UTP20: variants seen among roughly 807,000 people sequenced by gnomAD.
UTP20 encodes the protein small subunit processome component 20 homolog.
UTP20 carries 164 observed loss-of-function variants against 329.5 expected under a neutral mutation model. The ratio of observed to expected loss-of-function variants is 0.50; its 90% CI spans 0.44 to 0.57. The LOEUF is 0.57. Ranked by LOEUF, UTP20 falls within the 20% of genes least tolerant of loss-of-function variation. UTP20 has a pLI of 0.00. For synonymous variants in UTP20, 1,151 were observed against 1,159.3 expected, an observed-to-expected ratio of 0.99 and a Z score of 0.14; for missense variants, 3,055 against 3,284.2, an observed-to-expected ratio of 0.93 and a Z score of 1.71.
chr12:101,353,184 A>T, intron 40 of UTP20, 55 bp downstream of exon 40: 1 of 1,234,796 alleles, frequency 8.1e-7, no homozygotes, highest in Non-Finnish European at 1.2e-6. Flanking sequence ...TGGATAGTGT[A>T]TGGTAATTAA....
In UTP20 at chr12:101,373,638, G is replaced by T; in HGVS notation, c.7002G>T (p.Thr2334=). Residue 2334 remains threonine, a synonymous_variant, in exon 54 of 62, where the codon ACG becomes ACT. Coordinates refer to ENST00000261637, the MANE Select transcript of UTP20 (RefSeq NM_014503.3). The part of the protein sequence containing the change: ...GMFFIPLCLM[T]INDDSATCKK... ...TCTTTATCCCTCTTTGTCTAATGAC[G>T]ATCAATGATGACTCTGCCACGTGCA... The T allele has an allele frequency of 2.5e-6, 4 of 1,613,096 alleles. No homozygotes were observed. Among genetic ancestry groups the T allele is most frequent in the South Asian group, 2.2e-5 (2 of 90,720 alleles).
At chr12:101,321,275 C>G (rs1388363846) in intron 24 of UTP20, among the ~76,000 whole-genome samples, 1 of 152,072 alleles carries the variant, frequency 6.6e-6, no homozygotes, top group Non-Finnish European at 1.5e-5. Context: ...CTTTTTTAAA[C>G]AGCTGAGTTA....
chr12:101,358,453 C>A (rs1254536303), intron 43 of UTP20, among the ~76,000 whole-genome samples: 1 of 152,212 alleles, frequency 6.6e-6, no homozygotes, highest in Non-Finnish European at 1.5e-5. Context: ...TAGATATTTA[C>A]TATTTCTGCT....
intron 11 of UTP20, among the ~76,000 whole-genome samples, chr12:101,294,330 A>G (rs1474664952): frequency 2.0e-5 from 3 of 152,132 alleles, no homozygotes; most frequent in Admixed American, 1.3e-4. Context: ...CTTTTAAATC[A>G]TCTGAATATA....
In UTP20 at chr12:101,285,761, A is replaced by G. The variant is rs959303458; in HGVS notation, c.206A>G (p.Lys69Arg). 3 of 1,613,530 alleles carry G rather than the reference A, an allele frequency of 1.9e-6. No homozygotes were observed. Among genetic ancestry groups the G allele is most frequent in the African/African-American group, 2.7e-5 (2 of 74,908 alleles). Residue 69 changes from lysine to arginine, a missense_variant, in exon 4 of 62, where the codon AAA becomes AGA. Lys to Arg is a conservative substitution (Grantham distance 26, BLOSUM62 2). Transcript: ENST00000261637. ...TTCCCCCACTCAGGAAAATTTTACA[A>G]AGAAGTTATTGACAAATGCCAATCA... ...NLTEHFGKFYKEVIDKCQSFN... is the reference protein window; with the variant it reads ...NLTEHFGKFYREVIDKCQSFN...
In UTP20 at chr12:101,319,592, G is replaced by T. The variant is rs370328018; in HGVS notation, c.2786G>T (p.Arg929Leu). 1.2e-6 allele frequency: 2 copies of T among 1,607,680 alleles called. No individual in the cohort carries two copies. Among genetic ancestry groups the T allele is most frequent in the Admixed American group, 1.7e-5 (1 of 58,398 alleles). ...GTTTTCTCTAAATTTTCAAATCCAC[G>T]GGCCTTATATCTGGAATCCAAACTA... ...LQVFSKFSNP[R>L]ALYLESKLYE... Residue 929 changes from arginine (R) to leucine (L), a missense_variant, in exon 23 of 62, where the codon CGG becomes CTG. Coordinates refer to ENST00000261637, the MANE Select transcript of UTP20 (RefSeq NM_014503.3).
intron 49 of UTP20, among the ~76,000 whole-genome samples, 161 bp downstream of exon 49, chr12:101,370,052 T>TAAA (rs368067856): frequency 3.3e-5 from 4 of 122,146 alleles, no homozygotes; most frequent in Admixed American, 8.3e-5. Context: ...CGTGTCTACA[T>TAAA]AAAAAAAAAA....
intron 58 of UTP20, among the ~76,000 whole-genome samples, chr12:101,381,523 G>A (rs1459801609): frequency 2.0e-5 from 3 of 151,860 alleles, no homozygotes; most frequent in Non-Finnish European, 2.9e-5. Context: ...GTGACAGAGC[G>A]AGACTCCGTC....
rs1228168509 is a variant in UTP20, at chr12:101,385,867, C to CT, written c.8203-98dup. The CT allele has an allele frequency of 8.3e-6, 12 of 1,449,910 alleles. 1 individual carries two copies. The Admixed American group carries it at 3.2e-4, about 39-fold the overall frequency. 89.8% of individuals were successfully genotyped at this position (1,449,910 alleles called of 1,614,324 possible). On this transcript the variant is annotated intron_variant, in intron 61 of 61. Coordinates refer to ENST00000261637, the MANE Select transcript of UTP20 (RefSeq NM_014503.3). Reference sequence around the variant, plus strand: ...CTTTATAGCTGGGACTTCAGATTTTCTTTAATGAGCATGTGTTTTTTACAT... The same window carrying CT: ...CTTTATAGCTGGGACTTCAGATTTTCTTTTAATGAGCATGTGTTTTTTACAT...
At chr12:101,308,424 AAATAAT>A (rs199761274) in intron 18 of UTP20, 81 bp downstream of exon 18, 88 of 659,452 alleles carry the variant, frequency 1.3e-4, no homozygotes, top group East Asian at 1.6e-4. Context: ...GTAGTCACCA[AAATAAT>A]AATAATAATA....
In UTP20 at chr12:101,369,806, A is replaced by G. The variant is rs1870224366; in HGVS notation, c.6470A>G (p.Lys2157Arg). 1 of 1,613,802 alleles carries G rather than the reference A, an allele frequency of 6.2e-7. No individual in the cohort carries two copies. The highest frequency in any genetic ancestry group is 8.5e-7 in the Non-Finnish European group (1 of 1,179,776). The part of the protein sequence containing the change: ...SIETKAEQLT[K>R]HLFLLLKDYA... ...GAAACAAAAGCAGAGCAGCTGACAA[A>G]ACACCTCTTCCTTCTGCTGAAGGAC... is the stretch of plus-strand genomic sequence containing the variant. The change falls in exon 49 of 62, where the codon AAA becomes AGA. Residue 2157 changes from lysine (K) to arginine (R), a missense_variant. This residue lies in a region of UTP20 where 2,445 missense variants were observed against 2,575.5 expected (regional missense o/e 0.95). Transcript: ENST00000261637.
At chr12:101,383,734 G>A (rs1870734116) in intron 60 of UTP20, 65 bp downstream of exon 60, 1 of 1,344,418 alleles carries the variant, frequency 7.4e-7, no homozygotes, top group African/African-American at 1.5e-5. Flanking sequence ...TCTCCTGAAT[G>A]TTTCCTTCTT....
intron 2 of UTP20, 58 bp from the exon 3 acceptor site, chr12:101,285,512 A>T: frequency 1.3e-6 from 2 of 1,524,682 alleles, no homozygotes; most frequent in Non-Finnish European, 1.8e-6. Flanking sequence ...TATTCTATTT[A>T]CCTTGATCAT....
intron 25 of UTP20, among the ~76,000 whole-genome samples, chr12:101,322,812 G>C (rs1868410347): frequency 6.6e-6 from 1 of 152,174 alleles, no homozygotes; most frequent in Admixed American, 6.6e-5. Context: ...AAAAATATTT[G>C]AGGGAGTGAA....
intron 12 of UTP20, among the ~76,000 whole-genome samples, chr12:101,298,061 A>G (rs975304774): frequency 1.4e-4 from 22 of 152,322 alleles, no homozygotes; most frequent in African/African-American, 5.3e-4. Context: ...GTAACACTCT[A>G]TCTACCCATC....
In UTP20 at chr12:101,346,541, A is replaced by C; in HGVS notation, c.4837A>C (p.Ile1613Leu). Reference protein sequence around the residue: ...VLSSKSLQNYIMPYAMTPIFD... With the variant: ...VLSSKSLQNYLMPYAMTPIFD... ...GTCTTCTAAATCTCTTCAGAATTAC[A>C]TCATGCCTTATGCCATGACTCCAAT... The change falls in exon 38 of 62, where the codon ATC (isoleucine) becomes CTC (leucine). Residue 1613 changes from isoleucine to leucine, a missense_variant. Ile to Leu is a conservative substitution (Grantham distance 5). Coordinates refer to ENST00000261637, the MANE Select transcript of UTP20 (RefSeq NM_014503.3). The C allele has an allele frequency of 3.7e-6, 6 of 1,607,776 alleles. No individual in the cohort carries two copies. Among genetic ancestry groups the C allele is most frequent in the Non-Finnish European group, 5.1e-6 (6 of 1,177,638 alleles).
chr12:101,296,614 A>G (rs7296640), intron 12 of UTP20, among the ~76,000 whole-genome samples: 142,220 of 146,510 alleles, frequency 0.97, 69,012 homozygotes, highest in African/African-American at 0.99. Flanking sequence ...TGGGTGTGGT[A>G]GCGGGCGCCT....
In UTP20 at chr12:101,386,234, A is replaced by C; in HGVS notation, c.*111A>C. The C allele has an allele frequency of 1.8e-5, 18 of 993,570 alleles. No homozygotes were observed. The highest frequency in any genetic ancestry group is 2.7e-5 in the Non-Finnish European group (18 of 668,170). 61.5% of individuals were successfully genotyped at this position (993,570 alleles called of 1,614,324 possible). On this transcript the variant is annotated 3_prime_UTR_variant, in exon 62 of 62. Transcript: ENST00000261637. Reference sequence around the variant, plus strand: ...GGCGTTTTTTTTTTTTTTTGAGACAAGGTCTCACTCTGTCACCCAAGGTGG... The same window carrying C: ...GGCGTTTTTTTTTTTTTTTGAGACACGGTCTCACTCTGTCACCCAAGGTGG...
intron 38 of UTP20, among the ~76,000 whole-genome samples, chr12:101,347,878 G>T (rs1321693835): frequency 6.6e-6 from 1 of 152,132 alleles, no homozygotes; most frequent in Non-Finnish European, 1.5e-5. Context: ...ACCTAGGCTG[G>T]AGTGCAGTAG....
Sources: gnomAD v4.1 joint callset for allele counts (sites outside exome capture counted in the v4.1 genomes callset) on GRCh38, gnomAD v4.1.1 for gene constraint, gnomAD v4.1.1 regional missense constraint, MANE v1.5 for transcripts, NCBI Gene and HGNC (gene_info 2026-07-23, HGNC 2026-07-21) for gene names.